Variants in MUCL1 observed in about 807,000 individuals in gnomAD.
MUCL1 encodes mucin-like protein 1.
In MUCL1, 11 loss-of-function variants were observed where a neutral mutation model predicts 9.2. The observed-to-expected ratio is 1.19, with a 90% CI of 0.75 to 1.97. The LOEUF (loss-of-function observed/expected upper bound fraction) is 1.97. Among genes scored for constraint, MUCL1 ranks in the 30% most tolerant of loss-of-function variants. The probability of loss-of-function intolerance (pLI) is 0.00; values close to 1 mark genes in which losing one functional copy is unlikely to be tolerated. For synonymous variants in MUCL1, 48 were observed against 40.5 expected (o/e 1.19, Z -0.71); for missense variants, 144 against 110.9 (o/e 1.30, Z -1.34).
upstream of MUCL1, among the ~76,000 whole-genome samples, chr12:54,835,588 C>A (rs1959191842): frequency 7.6e-6 from 1 of 131,292 alleles, no homozygotes; most frequent in South Asian, 2.6e-4. Context: ...TGTCACGTGT[C>A]CACTTTTTGA....
chr12:54,849,750 T>C (rs1959308864), upstream of MUCL1, among the ~76,000 whole-genome samples: 1 of 152,166 alleles, frequency 6.6e-6, no homozygotes, highest in Non-Finnish European at 1.5e-5. Flanking sequence ...TGGTGTTAGA[T>C]CTGAGTATAT....
chr12:54,853,112 A>G (rs1868267616), upstream of MUCL1, among the ~76,000 whole-genome samples: 1 of 152,298 alleles, frequency 6.6e-6, no homozygotes, highest in East Asian at 1.9e-4. Flanking sequence ...AGACTCTCCA[A>G]TAAAAGGAGA....
chr12:54,842,676 A>G (rs1232864270), intron 1 of MUCL1, among the ~76,000 whole-genome samples: 1 of 152,118 alleles, frequency 6.6e-6, no homozygotes, highest in Non-Finnish European at 1.5e-5. Flanking sequence ...CTTATAGTTG[A>G]TTTTAAATTC....
chr12:54,849,866 A>T (rs1178198066), upstream of MUCL1, among the ~76,000 whole-genome samples: 2 of 152,162 alleles, frequency 1.3e-5, no homozygotes, highest in Middle Eastern at 3.2e-3. Context: ...TCAAAATCCA[A>T]TAACTTCAGA....
upstream of MUCL1, among the ~76,000 whole-genome samples, chr12:54,837,995 G>T (rs917078957): frequency 6.6e-6 from 1 of 152,062 alleles, no homozygotes; most frequent in Non-Finnish European, 1.5e-5. Context: ...TTGATACTTT[G>T]CTATCTTCAT....
intron 1 of MUCL1, among the ~76,000 whole-genome samples, chr12:54,846,279 T>TG (rs1032736681): frequency 1.3e-5 from 2 of 152,150 alleles, no homozygotes; most frequent in Admixed American, 1.3e-4. Flanking sequence ...CATCCCTAGA[T>TG]GCTGCCATGG....
chr12:54,844,051 G>A (rs1158531921), intron 1 of MUCL1, among the ~76,000 whole-genome samples: 1 of 152,080 alleles, frequency 6.6e-6, no homozygotes, highest in African/African-American at 2.4e-5. Context: ...TTATGGTCAT[G>A]GTAATGAATG....
chr12:54,835,438 A>G (rs544575134), upstream of MUCL1, among the ~76,000 whole-genome samples: 43 of 152,180 alleles, frequency 2.8e-4, 1 homozygote, highest in South Asian at 8.3e-3. Context: ...TGACTTTTTA[A>G]TAATGGCCAT....
chr12:54,839,551 G>A (rs769006949), intron 1 of MUCL1: 8 of 698,242 alleles, frequency 1.1e-5, no homozygotes, highest in Non-Finnish European at 2.1e-5. Context: ...ATTGGGGTAG[G>A]GAGGGAGCAA....
intron 1 of MUCL1, among the ~76,000 whole-genome samples, chr12:54,844,057 G>T (rs1308353008): frequency 2.0e-5 from 3 of 152,094 alleles, no homozygotes; most frequent in Non-Finnish European, 2.9e-5. Flanking sequence ...TCATGGTAAT[G>T]AATGTTTTGT....
At chr12:54,839,026 C>T (rs1045333712), upstream of MUCL1, among the ~76,000 whole-genome samples, 1 of 151,978 alleles carries the variant, frequency 6.6e-6, no homozygotes, top group African/African-American at 2.4e-5. Flanking sequence ...AATTATTTTT[C>T]TAGTTCCTTC....
At chr12:54,856,050 A>G (rs1868296595) in intron 2 of MUCL1, among the ~76,000 whole-genome samples, 1 of 152,146 alleles carries the variant, frequency 6.6e-6, no homozygotes, top group African/African-American at 2.4e-5. Context: ...TAAGGTCTAG[A>G]GAGAGAGAGA....
upstream of MUCL1, among the ~76,000 whole-genome samples, chr12:54,837,894 C>G (rs76776709): frequency 2.6e-5 from 4 of 152,210 alleles, no homozygotes; most frequent in African/African-American, 9.6e-5. Context: ...TTAAGTGGAG[C>G]ATTTAGACCA....
chr12:54,845,188 T>C (rs1959238067), intron 1 of MUCL1, among the ~76,000 whole-genome samples: 1 of 108,832 alleles, frequency 9.2e-6, no homozygotes, highest in Non-Finnish European at 1.9e-5. Context: ...GTTAACACAA[T>C]GGAGATGGTT....
upstream of MUCL1, among the ~76,000 whole-genome samples, chr12:54,850,969 T>C (rs1959329919): frequency 1.3e-5 from 2 of 152,250 alleles, no homozygotes; most frequent in Non-Finnish European, 2.9e-5. Flanking sequence ...TTTTGAGAAG[T>C]GTCTGTTCAT....
rs147878473 is a variant in MUCL1 at position 54,840,752 on chromosome 12, G to A, written c.43+1305G>A. On this transcript the variant is annotated intron_variant, in intron 1 of 3. Transcript: ENST00000546809. ...GGCTGCTGGCATAATGTTCCAGGGA[G>A]GAGCACAGCTGCCTCTGCCACACAA... Among the ~76,000 whole-genome samples the A allele has an allele frequency of 1.1e-3, 166 of 152,304 alleles. No individual in the cohort carries two copies. The East Asian group carries it at 0.019, about 18-fold the overall frequency.
At chr12:54,848,754 C>T (rs1959293265) in intron 1 of MUCL1, among the ~76,000 whole-genome samples, 2 of 152,148 alleles carry the variant, frequency 1.3e-5, no homozygotes, top group African/African-American at 2.4e-5. Context: ...CAAAATTCAA[C>T]TGAGATAACC....
At chr12:54,842,533 CT>C (rs1959217430) in intron 1 of MUCL1, among the ~76,000 whole-genome samples, 1 of 152,018 alleles carries the variant, frequency 6.6e-6, no homozygotes, top group African/African-American at 2.4e-5. Context: ...ACTCTCAGGC[CT>C]TTCTGTGCCT....
upstream of MUCL1, among the ~76,000 whole-genome samples, chr12:54,852,673 G>T (rs1868264132): frequency 6.6e-6 from 1 of 152,094 alleles, no homozygotes; most frequent in South Asian, 2.1e-4. Context: ...TGTGTGGTGG[G>T]TCTCTGCCTC....
Sources: gnomAD v4.1 joint callset for allele counts (sites outside exome capture counted in the v4.1 genomes callset) on GRCh38, gnomAD v4.1.1 for gene constraint, MANE v1.5 for transcripts, NCBI Gene and HGNC (gene_info 2026-07-23, HGNC 2026-07-21) for gene names.